CFAP52: variants seen among roughly 807,000 people sequenced by gnomAD.
CFAP52 encodes cilia- and flagella-associated protein 52.
Under a neutral mutation model 70.5 loss-of-function variants are expected in CFAP52, and 57 were observed. The ratio of observed to expected loss-of-function variants is 0.81; its 90% confidence interval spans 0.65 to 1.01. The LOEUF (loss-of-function observed/expected upper bound fraction) is 1.01. Ranked by LOEUF, CFAP52 falls within the 50% of genes least tolerant of loss-of-function variation. The probability of loss-of-function intolerance (pLI) is 0.00; values close to 1 mark genes in which losing one functional copy is unlikely to be tolerated. For missense variants in CFAP52, 785 were observed against 788.5 expected, an observed-to-expected ratio of 1.00 and a Z score of 0.05; for synonymous variants, 267 against 292.5, an observed-to-expected ratio of 0.91 and a Z score of 0.89.
intron 9 of CFAP52, among the ~76,000 whole-genome samples, chr17:9,630,696 C>T (rs1910441428): frequency 6.6e-6 from 1 of 151,162 alleles, no homozygotes; most frequent in African/African-American, 2.4e-5. Flanking sequence ...TCCCAAAGTG[C>T]TGGGATTACA....
At chr17:9,593,560 A>T (rs968557017) in intron 3 of CFAP52, among the ~76,000 whole-genome samples, 1 of 152,060 alleles carries the variant, frequency 6.6e-6, no homozygotes, top group Non-Finnish European at 1.5e-5. Context: ...GATTCAAGCG[A>T]TTCTCCTGCC....
chr17:9,593,283 G>A (rs1288230629), intron 3 of CFAP52, among the ~76,000 whole-genome samples: 1 of 152,136 alleles, frequency 6.6e-6, no homozygotes, highest in African/African-American at 2.4e-5. Context: ...CCAGAAGAAG[G>A]AAGTGTAACC....
At position 9,613,366 on chromosome 17, in the gene CFAP52, A is replaced by G. The variant is rs576013139; in HGVS notation, c.1025+887A>G. On this transcript the variant is annotated intron_variant, in intron 8 of 13. Coordinates refer to ENST00000352665, the MANE Select transcript of CFAP52 (RefSeq NM_145054.5). Reference sequence around the variant, plus strand: ...TGTAACACATTTTGTCTTTGGTGAGATTCATTTCATGAAGTTGGTCAGTTT... The same window carrying G: ...TGTAACACATTTTGTCTTTGGTGAGGTTCATTTCATGAAGTTGGTCAGTTT... Among the ~76,000 whole-genome samples, 3 of 152,006 alleles carry G rather than the reference A, an allele frequency of 2.0e-5. 1 individual carries two copies. The highest frequency in any genetic ancestry group is 7.2e-5 in the African/African-American group (3 of 41,452).
At chr17:9,591,030 C>CTT (rs34888799) in intron 3 of CFAP52, among the ~76,000 whole-genome samples, 4,939 of 76,662 alleles carry the variant, frequency 0.064, 491 homozygotes, top group Non-Finnish European at 0.073. Flanking sequence ...TTGCATGCAT[C>CTT]TTTTTTTTTT....
intron 6 of CFAP52, among the ~76,000 whole-genome samples, chr17:9,602,885 CAT>C (rs1265074965): frequency 1.3e-5 from 2 of 152,116 alleles, no homozygotes; most frequent in African/African-American, 4.8e-5. Context: ...AGCTTTTTCT[CAT>C]ATGTTTGTTG....
At chr17:9,642,977 C>T in intron 13 of CFAP52, 46 bp from the exon 14 acceptor site, 2 of 1,462,482 alleles carry the variant, frequency 1.4e-6, no homozygotes, top group South Asian at 3.2e-5. Context: ...GGCTGTTTCT[C>T]TCTCTCCTAT....
At position 9,594,278 on chromosome 17, in the gene CFAP52, A is replaced by G; in HGVS notation, c.493A>G (p.Ile165Val). 1 of 1,613,942 alleles carries G rather than the reference A, an allele frequency of 6.2e-7. No individual in the cohort carries two copies. The highest frequency in any genetic ancestry group is 8.5e-7 in the Non-Finnish European group (1 of 1,179,978). Reference protein sequence around the residue: ...GLNVGNATNVIFSRCRDEMFM... With the variant: ...GLNVGNATNVVFSRCRDEMFM... The stretch of plus-strand genomic sequence containing the variant: ...CAATGTTGGCAATGCCACCAATGTG[A>G]TCTTCTCCAGGTGCCGGGATGAGAT... Residue 165 changes from isoleucine (I) to valine (V), a missense_variant, in exon 4 of 14, where the codon ATC becomes GTC. By Grantham distance (29) the Ile-to-Val change is conservative. Coordinates refer to ENST00000352665, the MANE Select transcript of CFAP52 (RefSeq NM_145054.5).
intron 1 of CFAP52, among the ~76,000 whole-genome samples, chr17:9,577,059 G>A (rs1907983786): frequency 6.6e-6 from 1 of 152,194 alleles, no homozygotes; most frequent in African/African-American, 2.4e-5. Flanking sequence ...ATGAGTACGG[G>A]TGGTTGTAAC....
chr17:9,632,299 T>G (rs577765592), intron 9 of CFAP52, among the ~76,000 whole-genome samples: 1 of 150,634 alleles, frequency 6.6e-6, no homozygotes, highest in Non-Finnish European at 1.5e-5. Context: ...CTTGCCATGT[T>G]TCCAGGCTGG....
In CFAP52 at chr17:9,630,990, A is replaced by AAAAGAAAG. The variant is rs1183878434; in HGVS notation, c.1175-1864_1175-1857dup. Reference sequence around the variant, plus strand: ...AACAGAGCCAGACTCCATCTCAAAAAAAAGAAAGAAAGAAAGAAAGAAAGA... The same window carrying AAAAGAAAG: ...AACAGAGCCAGACTCCATCTCAAAAAAAAGAAAGAAAGAAAGAAAGAAAGAAAGAAAGA... On this transcript the variant is annotated intron_variant, in intron 9 of 13. Transcript: ENST00000352665. 4.5e-4 allele frequency among the ~76,000 whole-genome samples: 44 copies of AAAAGAAAG among 97,562 alleles called. 2 individuals are homozygous for AAAAGAAAG. Among genetic ancestry groups the AAAAGAAAG allele is most frequent in the African/African-American group, 1.7e-3 (32 of 19,144 alleles). The allele number at this position is 97,562 out of a possible 152,430, so 64.0% of individuals were successfully genotyped here. A position where few individuals can be genotyped will look rare whatever the true frequency, so the allele number is the denominator to read the frequency against.
Position 9,612,460 on chromosome 17 carries a change from G to A in CFAP52, c.1006G>A (p.Glu336Lys), listed in dbSNP as rs6503235. ...LIATCHFDAVEDIVFPFGTAE... is the reference protein window; with the variant it reads ...LIATCHFDAVKDIVFPFGTAE... ...AGCGACTTGTCACTTTGATGCTGTC[G>A]AGGATATTGTCTTTCCATTGTGAGT... is the stretch of plus-strand genomic sequence containing the variant. The change falls in exon 8 of 14, where the codon GAG becomes AAG. Residue 336 changes from glutamate to lysine, a missense_variant. Physicochemically the swap from Glu to Lys is moderately conservative, Grantham distance 56 (BLOSUM62 1). Coordinates refer to ENST00000352665, the MANE Select transcript of CFAP52 (RefSeq NM_145054.5). 1,180,870 of 1,613,732 alleles carry A rather than the reference G, an allele frequency of 0.73. 438,291 individuals are homozygous for A. Among genetic ancestry groups the A allele is most frequent in the Non-Finnish European group, 0.76 (891,998 of 1,179,910 alleles).
intron 8 of CFAP52, among the ~76,000 whole-genome samples, chr17:9,625,129 G>A (rs73975750): frequency 3.3e-5 from 5 of 151,972 alleles, no homozygotes; most frequent in Non-Finnish European, 7.4e-5. Context: ...AAACAAAAAA[G>A]CAACAAACAA....
intron 2 of CFAP52, 80 bp from the exon 3 acceptor site, chr17:9,586,618 T>A: frequency 6.8e-7 from 1 of 1,468,862 alleles, no homozygotes; most frequent in South Asian, 1.5e-5. Context: ...GTACTAATTG[T>A]TTTTCACCAA....
At chr17:9,576,890 C>CAGGG in intron 1 of CFAP52, 125 bp downstream of exon 1, 1 of 1,003,118 alleles carries the variant, frequency 1.0e-6, no homozygotes, top group East Asian at 2.9e-5. Flanking sequence ...GAGCCCTGGC[C>CAGGG]AGGGACACGC....
intron 4 of CFAP52, among the ~76,000 whole-genome samples, chr17:9,596,037 G>A (rs1364061458): frequency 9.3e-6 from 1 of 107,174 alleles, no homozygotes; most frequent in Non-Finnish European, 2.0e-5. Context: ...ATATGTATAT[G>A]TATGTAGATA....
At chr17:9,632,307 T>G (rs80058914) in intron 9 of CFAP52, among the ~76,000 whole-genome samples, 1 of 151,784 alleles carries the variant, frequency 6.6e-6, no homozygotes, top group Non-Finnish European at 1.5e-5. Context: ...GTTTCCAGGC[T>G]GGTCTTGTGC....
In CFAP52 at chr17:9,643,242, GT is replaced by G; in HGVS notation, c.*46del. ...GAGCCTTGGCGTTGCACGCAGTCCT[GT>G]TGAAGACTGAGTTTAGATAACTCCA... On this transcript the variant is annotated 3_prime_UTR_variant, in exon 14 of 14. Coordinates refer to ENST00000352665, the MANE Select transcript of CFAP52 (RefSeq NM_145054.5). 6.9e-7 allele frequency: 1 copy of G among 1,458,302 alleles called. No homozygotes were observed. Among genetic ancestry groups the G allele is most frequent in the Non-Finnish European group, 9.1e-7 (1 of 1,096,924 alleles). The allele number at this position is 1,458,302 out of a possible 1,614,324, so 90.3% of individuals were successfully genotyped here. A position where few individuals can be genotyped will look rare whatever the true frequency, so the allele number is the denominator to read the frequency against.
Position 9,585,870 on chromosome 17 carries a change from G to A in CFAP52, c.168G>A (p.Glu56=). 6 of 1,613,950 alleles carry A rather than the reference G, an allele frequency of 3.7e-6. No individual in the cohort carries two copies. The highest frequency in any genetic ancestry group is 5.1e-6 in the Non-Finnish European group (6 of 1,180,006). The part of the protein sequence containing the change: ...TVLIQAINTK[E]QNFLQGHGNN... ...TCATTCAGGCAATAAATACTAAAGA[G>A]CAGAACTTCCTACAGGGTCATGGCA... The change falls in exon 2 of 14, where the codon GAG becomes GAA. Residue 56 remains glutamate (E), a synonymous_variant. Transcript: ENST00000352665.
chr17:9,640,394 C>G (rs1910998174), intron 12 of CFAP52, among the ~76,000 whole-genome samples: 1 of 151,564 alleles, frequency 6.6e-6, no homozygotes. Context: ...CTTCCTCCCC[C>G]CACCCACCAC....
Sources: allele counts gnomAD v4.1 joint callset (sites outside exome capture counted in the v4.1 genomes callset), GRCh38; gene constraint gnomAD v4.1.1; transcripts MANE v1.5; gene names NCBI Gene and HGNC (gene_info 2026-07-23, HGNC 2026-07-21).